Variants in MYO1H observed in about 807,000 individuals in gnomAD.
MYO1H encodes unconventional myosin-Ih.
A neutral mutation model predicts 149.3 loss-of-function variants in MYO1H; 118 were observed. That is an observed-to-expected ratio of 0.79 (90% CI 0.68 to 0.92). The LOEUF (loss-of-function observed/expected upper bound fraction) is 0.92. MYO1H is among the 40% of genes least tolerant of loss of function. The probability of loss-of-function intolerance (pLI) is 0.00; values close to 1 mark genes in which losing one functional copy is unlikely to be tolerated. For missense variants in MYO1H, 1,212 were observed against 1,280.7 expected, an observed-to-expected ratio of 0.95 and a Z score of 0.82; for synonymous variants, 447 against 465.2, an observed-to-expected ratio of 0.96 and a Z score of 0.50.
At chr12:109,414,850 A>G (rs527752418) in intron 14 of MYO1H, among the ~76,000 whole-genome samples, 5 of 152,092 alleles carry the variant, frequency 3.3e-5, no homozygotes, top group African/African-American at 1.2e-4. Flanking sequence ...TGGGACTACA[A>G]GGCACATGCT....
At chr12:109,417,770 A>G (rs1870988322) in intron 15 of MYO1H, among the ~76,000 whole-genome samples, 3 of 152,290 alleles carry the variant, frequency 2.0e-5, no homozygotes, top group South Asian at 2.1e-4. Context: ...AGAAATGTCT[A>G]CGCAGATCTT....
the MYO1H span, among the ~76,000 whole-genome samples, chr12:109,329,173 T>C: frequency 6.6e-6 from 1 of 152,094 alleles, no homozygotes; most frequent in Non-Finnish European, 1.5e-5. Flanking sequence ...ATCTGTGTAG[T>C]TTATATGGGC....
At chr12:109,352,603 A>C (rs1868487898) in intron 1 of MYO1H, among the ~76,000 whole-genome samples, 1 of 152,224 alleles carries the variant, frequency 6.6e-6, no homozygotes, top group African/African-American at 2.4e-5. Flanking sequence ...TCTCCCCGAC[A>C]TGTATGATGA....
chr12:109,444,439 C>A (rs1053926809), exon 30 of MYO1H: 1 of 1,613,276 alleles, frequency 6.2e-7, no homozygotes, highest in African/African-American at 1.3e-5. Flanking sequence ...CAGGGGGATG[C>A]CGTTTTGCAG....
chr12:109,362,290 C>T (rs907248877), intron 1 of MYO1H, among the ~76,000 whole-genome samples: 16 of 152,344 alleles, frequency 1.1e-4, no homozygotes, highest in African/African-American at 3.6e-4. Context: ...TTTCTGTATT[C>T]AGCCTTCTAG....
At chr12:109,368,116 C>T (rs548238883) in intron 1 of MYO1H, among the ~76,000 whole-genome samples, 2 of 152,302 alleles carry the variant, frequency 1.3e-5, no homozygotes, top group South Asian at 4.1e-4. Context: ...CTGGTTCTCT[C>T]AAAGAAAAGG....
chr12:109,402,677 A>G (rs987303464), intron 6 of MYO1H, among the ~76,000 whole-genome samples: 6 of 152,238 alleles, frequency 3.9e-5, no homozygotes, highest in Admixed American at 3.9e-4. Context: ...ATCTAATTTT[A>G]TACTAAGCAA....
At position 109,393,367 on chromosome 12, in the gene MYO1H, T is replaced by C. The variant is rs768201178; in HGVS notation, c.211T>C (p.Tyr71His). 2.8e-5 allele frequency: 45 copies of C among 1,585,680 alleles called. No individual in the cohort carries two copies. The highest frequency in any genetic ancestry group is 3.3e-5 in the Non-Finnish European group (38 of 1,164,980). ...CACCCTCCTTGTGTCTGTGAATCCA[T>C]ACCAGGAGCTCGGAATCTACACTGT... Residue 71 changes from tyrosine (Y) to histidine (H), a missense_variant, in exon 3 of 32, where the codon TAC (tyrosine) becomes CAC (histidine). By Grantham distance (83) the Tyr-to-His change is moderately conservative (BLOSUM62 2). Transcript: ENST00000310903.
chr12:109,379,375 G>T (rs1869152769), intron 1 of MYO1H, among the ~76,000 whole-genome samples: 1 of 152,172 alleles, frequency 6.6e-6, no homozygotes, highest in Admixed American at 6.5e-5. Context: ...TCCAGTTGTT[G>T]GGTGCAACGG....
chr12:109,378,934 T>C (rs1257193306), intron 1 of MYO1H, among the ~76,000 whole-genome samples: 1 of 152,248 alleles, frequency 6.6e-6, no homozygotes, highest in Non-Finnish European at 1.5e-5. Context: ...TAGATTTTCC[T>C]GTAGCGTCTC....
At chr12:109,340,101 T>C in the MYO1H span, among the ~76,000 whole-genome samples, 77,020 of 152,052 alleles carry the variant, frequency 0.51, 20,309 homozygotes, top group African/African-American at 0.63. Context: ...GGAGAATCCA[T>C]ACAATATCCA....
intron 20 of MYO1H, among the ~76,000 whole-genome samples, chr12:109,433,575 C>T (rs1871731584): frequency 6.6e-6 from 1 of 152,210 alleles, no homozygotes; most frequent in South Asian, 2.1e-4. Context: ...GGTGTCTCAG[C>T]ATGAAGATCT....
At position 109,445,497 on chromosome 12, in the gene MYO1H, C is replaced by G. The variant is rs772608624; in HGVS notation, c.2994-16C>G. 4 of 1,580,054 alleles carry G rather than the reference C, an allele frequency of 2.5e-6. No homozygotes were observed. The East Asian group carries it at 9.0e-5, about 35-fold the overall frequency. On this transcript the variant is annotated splice_polypyrimidine_tract_variant and intron_variant, in intron 30 of 31. Transcript: ENST00000310903. Reference sequence around the variant, plus strand: ...AATACAGTATGTCAGTAATGTGTCACTTTGTGTATTTTAAGTTTACAGTTT... The same window carrying G: ...AATACAGTATGTCAGTAATGTGTCAGTTTGTGTATTTTAAGTTTACAGTTT...
chr12:109,355,039 A>G (rs1362590236), intron 1 of MYO1H, among the ~76,000 whole-genome samples: 2 of 152,212 alleles, frequency 1.3e-5, no homozygotes, highest in Non-Finnish European at 2.9e-5. Context: ...AATAAGGTCT[A>G]GTTGTGGGAA....
chr12:109,388,022 A>G (rs79889337), intron 1 of MYO1H, among the ~76,000 whole-genome samples: 9,013 of 152,244 alleles, frequency 0.059, 875 homozygotes, highest in African/African-American at 0.21. Context: ...CTCCAGTGAC[A>G]TCTGAAGCCC....
the MYO1H span, among the ~76,000 whole-genome samples, chr12:109,314,441 T>A: frequency 6.6e-6 from 1 of 152,180 alleles, no homozygotes; most frequent in Non-Finnish European, 1.5e-5. Context: ...AACACAGTGA[T>A]TCCATATGAA....
rs916654353 is a variant in MYO1H, at chr12:109,401,287, C to A, written c.750+15C>A. On this transcript the variant is annotated intron_variant, in intron 6 of 31. Coordinates refer to ENST00000310903, the Ensembl canonical transcript of MYO1H. The stretch of plus-strand genomic sequence containing the variant: ...ACCTCTCACAGGTGGGAAGGACCAG[C>A]ACCTGGCTTTGGTGACTCTTTGGAG... 1.3e-6 allele frequency: 2 copies of A among 1,598,650 alleles called. No homozygotes were observed. Among genetic ancestry groups the A allele is most frequent in the African/African-American group, 2.7e-5 (2 of 74,610 alleles).
intron 16 of MYO1H, among the ~76,000 whole-genome samples, chr12:109,424,201 C>G (rs1233176213): frequency 1.3e-5 from 2 of 149,036 alleles, no homozygotes; most frequent in African/African-American, 5.1e-5. Context: ...CAGTCTGTCA[C>G]TCAGGCTGGA....
At chr12:109,328,500 T>C in the MYO1H span, among the ~76,000 whole-genome samples, 1 of 152,144 alleles carries the variant, frequency 6.6e-6, no homozygotes, top group Non-Finnish European at 1.5e-5. Flanking sequence ...CTGGCTTTAG[T>C]ATCCCTTTTA....
Sources: gnomAD v4.1 joint callset for allele counts (sites outside exome capture counted in the v4.1 genomes callset) on GRCh38, gnomAD v4.1.1 for gene constraint, MANE v1.5 for transcripts, NCBI Gene and HGNC (gene_info 2026-07-23, HGNC 2026-07-21) for gene names.